PTPRN2: variants seen among roughly 807,000 people sequenced by gnomAD.
PTPRN2 encodes the protein protein tyrosine phosphatase receptor type N2, also known as receptor-type tyrosine-protein phosphatase N2.
In PTPRN2, 74 loss-of-function variants were observed where a neutral mutation model predicts 118.8. The observed-to-expected ratio is 0.62, with a 90% CI of 0.52 to 0.76. The LOEUF is 0.76. Ranked by LOEUF, PTPRN2 falls within the 30% of genes least tolerant of loss-of-function variation. The pLI, the probability that PTPRN2 is intolerant of heterozygous loss-of-function variation, is 0.00. For synonymous variants in PTPRN2, 641 were observed against 608.0 expected, an observed-to-expected ratio of 1.05 and a Z score of -0.80; for missense variants, 1,481 against 1,394.4, an observed-to-expected ratio of 1.06 and a Z score of -0.99.
chr7:157,649,293 G>T (rs56405231), intron 14 of PTPRN2, among the ~76,000 whole-genome samples: 2 of 81,968 alleles, frequency 2.4e-5, no homozygotes, highest in Admixed American at 1.3e-4. Context: ...CCCATCCAGC[G>T]TGCACTGAAC....
At chr7:158,272,818 A>G (rs562948916) in intron 3 of PTPRN2, among the ~76,000 whole-genome samples, 2 of 152,254 alleles carry the variant, frequency 1.3e-5, no homozygotes, top group African/African-American at 4.8e-5. Flanking sequence ...CCGCCGGCAG[A>G]AGGAGAGGTG....
intron 10 of PTPRN2, among the ~76,000 whole-genome samples, chr7:158,097,593 T>C (rs1814736122): frequency 1.3e-5 from 2 of 152,138 alleles, no homozygotes; most frequent in Non-Finnish European, 2.9e-5. Context: ...CTCGTGGGAA[T>C]GTGTCTTTGG....
In PTPRN2 at chr7:157,655,062, G is replaced by T. The variant is rs553818366; in HGVS notation, c.2196+1295C>A. ...TGCCAAAGTCGATGACAGGTCTGCC[G>T]AGTGAACTCCACGAGCTGTCTGCTC... On this transcript the variant is annotated intron_variant, in intron 14 of 22. Coordinates refer to ENST00000389418, the MANE Select transcript of PTPRN2 (RefSeq NM_002847.5). 3.9e-5 allele frequency among the ~76,000 whole-genome samples: 6 copies of T among 152,364 alleles called. No individual in the cohort carries two copies. In the South Asian group the frequency reaches 1.2e-3, roughly 32 times the overall value.
rs531719429 is a variant in PTPRN2 at position 158,562,353 on chromosome 7, C to T, written c.112+25205G>A. Among the ~76,000 whole-genome samples, 299 of 152,286 alleles carry T rather than the reference C, an allele frequency of 2.0e-3. 2 individuals are homozygous for T. Among genetic ancestry groups the T allele is most frequent in the African/African-American group, 6.7e-3 (279 of 41,554 alleles). On this transcript the variant is annotated intron_variant, in intron 1 of 22. Transcript: ENST00000389418. ...ATCCACCTTTGAGACCTTGTCACCT[C>T]CCAAAGCCCCCATCTCCTAACACCA... is the stretch of plus-strand genomic sequence containing the variant.
chr7:158,063,809 C>T (rs1309465619), intron 11 of PTPRN2, among the ~76,000 whole-genome samples: 1 of 152,232 alleles, frequency 6.6e-6, no homozygotes, highest in Admixed American at 6.5e-5. Flanking sequence ...ACCAAGAACC[C>T]ACCCATTCTG....
chr7:157,584,942 A>G (rs542818550), intron 17 of PTPRN2, among the ~76,000 whole-genome samples: 169 of 152,366 alleles, frequency 1.1e-3, no homozygotes, highest in African/African-American at 3.9e-3. Context: ...CACAGGCTCC[A>G]GGCCACAGCA....
rs1200802366 is a variant in PTPRN2 at position 157,986,372 on chromosome 7, T to G, written c.1724-87635A>C. Among the ~76,000 whole-genome samples, 1 of 152,184 alleles carries G rather than the reference T, an allele frequency of 6.6e-6. No individual in the cohort carries two copies. The highest frequency in any genetic ancestry group is 1.5e-5 in the Non-Finnish European group (1 of 68,026). On this transcript the variant is annotated intron_variant, in intron 11 of 22. Coordinates refer to ENST00000389418, the MANE Select transcript of PTPRN2 (RefSeq NM_002847.5). The surrounding 1 kb of genome is among the most constrained non-coding windows in gnomAD (Gnocchi z 4.5). ...GGCCTGAGAGGTCAGCTAGTCCAAT[T>G]GCTTCCTTGTAGACACGCAGAAACT...
chr7:158,057,951 GAA>G lies in PTPRN2; in HGVS notation c.1723+23345_1723+23346del, dbSNP rs566856395. Among the ~76,000 whole-genome samples the G allele has an allele frequency of 1.2e-4, 19 of 152,328 alleles. No homozygotes were observed. In the East Asian group the frequency reaches 3.7e-3, roughly 29 times the overall value. On this transcript the variant is annotated intron_variant, in intron 11 of 22. Coordinates refer to ENST00000389418, the MANE Select transcript of PTPRN2 (RefSeq NM_002847.5). ...TGTTTCCTGCTAATCTGTTTAATGG[GAA>G]AGTTTCCCTCCTCACAACCCATATA...
At chr7:158,395,340 C>T (rs1156876531) in intron 2 of PTPRN2, among the ~76,000 whole-genome samples, 8 of 32,334 alleles carry the variant, frequency 2.5e-4, no homozygotes, top group East Asian at 9.0e-4. Flanking sequence ...GGGCGAGGCG[C>T]GAGGGGCCAG....
At chr7:157,777,998 C>G (rs1175391377) in intron 12 of PTPRN2, among the ~76,000 whole-genome samples, 7 of 151,254 alleles carry the variant, frequency 4.6e-5, no homozygotes. Context: ...AAAAAAATAC[C>G]CCAATTCAAA....
rs1234736624 is a variant in PTPRN2 at position 158,071,697 on chromosome 7, G to C, written c.1723+9601C>G. Among the ~76,000 whole-genome samples, 77 of 116,074 alleles carry C rather than the reference G, an allele frequency of 6.6e-4. 2 individuals carry two copies. Among genetic ancestry groups the C allele is most frequent in the South Asian group, 2.4e-3 (8 of 3,308 alleles). The allele number at this position is 116,074 out of a possible 152,430, so 76.1% of individuals were successfully genotyped here. ...GGAGGTGCTCCTGGTGGAGGTGCTT[G>C]TGGTGGAGGTGCTCCTGGTGGTGGA... On this transcript the variant is annotated intron_variant, in intron 11 of 22. Coordinates refer to ENST00000389418, the MANE Select transcript of PTPRN2 (RefSeq NM_002847.5).
At position 157,841,063 on chromosome 7, in the gene PTPRN2, G is replaced by A. The variant is rs536601929; in HGVS notation, c.1788+57610C>T. Among the ~76,000 whole-genome samples, 29 of 152,356 alleles carry A rather than the reference G, an allele frequency of 1.9e-4. No homozygotes were observed. The South Asian group carries it at 3.3e-3, about 17-fold the overall frequency. On this transcript the variant is annotated intron_variant, in intron 12 of 22. Transcript: ENST00000389418. ...GTGCCTTCTGCTGGAAGTGCCAGCC[G>A]TGTCCGCCCTGCACTCGCTCCCAGC...
At chr7:157,568,824 G>A (rs1438679678) in intron 21 of PTPRN2, 78 bp downstream of exon 21, 1 of 1,449,600 alleles carries the variant, frequency 6.9e-7, no homozygotes, top group African/African-American at 1.4e-5. Context: ...GGCCTCCCGT[G>A]AACACGGCAC....
intron 6 of PTPRN2, among the ~76,000 whole-genome samples, chr7:158,151,913 C>T (rs1821216667): frequency 6.6e-6 from 1 of 152,162 alleles, no homozygotes; most frequent in Non-Finnish European, 1.5e-5. Context: ...GTGGCTCACG[C>T]CTGTAATCCC....
chr7:157,825,049 G>A (rs1244098639), intron 12 of PTPRN2, among the ~76,000 whole-genome samples: 1 of 152,180 alleles, frequency 6.6e-6, no homozygotes, highest in Non-Finnish European at 1.5e-5. Context: ...GGCAAACGAG[G>A]ATTCTTCACC....
In PTPRN2 at chr7:158,572,314, C is replaced by T. The variant is rs552483522; in HGVS notation, c.112+15244G>A. ...CCTCAAAATGTTGTTTTGTTTGGTA[C>T]TGGGTAGTGATGTGAACAACTGTGG... On this transcript the variant is annotated intron_variant, in intron 1 of 22. Coordinates refer to ENST00000389418, the MANE Select transcript of PTPRN2 (RefSeq NM_002847.5). 5.9e-5 allele frequency among the ~76,000 whole-genome samples: 9 copies of T among 152,302 alleles called. No homozygotes were observed. The South Asian group carries it at 1.0e-3, about 18-fold the overall frequency.
intron 11 of PTPRN2, among the ~76,000 whole-genome samples, chr7:157,970,897 G>T (rs1175305156): frequency 6.6e-6 from 1 of 152,172 alleles, no homozygotes; most frequent in Non-Finnish European, 1.5e-5. Flanking sequence ...AAGCTGGCTT[G>T]TCCCTGCACG....
intron 2 of PTPRN2, among the ~76,000 whole-genome samples, chr7:158,359,468 C>T (rs1808666103): frequency 6.6e-6 from 1 of 152,118 alleles, no homozygotes; most frequent in Non-Finnish European, 1.5e-5. Context: ...CCAGCTGGAG[C>T]CATAAAAGGA....
chr7:157,949,936 C>T (rs1037985429), intron 11 of PTPRN2, among the ~76,000 whole-genome samples: 1 of 152,174 alleles, frequency 6.6e-6, no homozygotes, highest in Non-Finnish European at 1.5e-5. Context: ...CTCCAGCTTG[C>T]AACTATCTGA....
Sources: gnomAD v4.1 joint callset for allele counts (sites outside exome capture counted in the v4.1 genomes callset) on GRCh38, gnomAD v4.1.1 for gene constraint, Gnocchi (gnomAD v3.1) non-coding constraint, MANE v1.5 for transcripts, NCBI Gene and HGNC (gene_info 2026-07-23, HGNC 2026-07-21) for gene names.